Variants in ZEB1 observed in about 807,000 individuals in gnomAD.
The protein encoded by ZEB1 is zinc finger E-box-binding homeobox 1.
In ZEB1, 21 loss-of-function variants were observed where a neutral mutation model predicts 84.9. That is an observed-to-expected ratio of 0.25 (90% confidence interval 0.18 to 0.36). ZEB1 has a LOEUF of 0.36. Ranked by LOEUF, ZEB1 falls within the 10% of genes least tolerant of loss-of-function variation. The pLI is 1.00. For synonymous variants in ZEB1, 420 were observed against 471.1 expected, an observed-to-expected ratio of 0.89 and a Z score of 1.41; for missense variants, 1,104 against 1,330.2, an observed-to-expected ratio of 0.83 and a Z score of 2.65.
intron 2 of ZEB1, among the ~76,000 whole-genome samples, chr10:31,480,981 G>A (rs913777383): frequency 3.3e-5 from 5 of 151,906 alleles, no homozygotes; most frequent in African/African-American, 1.2e-4. Context: ...ATATAAATAA[G>A]CTCTACAAAA....
At chr10:31,409,891 A>T (rs2053904828) in intron 1 of ZEB1, among the ~76,000 whole-genome samples, 2 of 152,208 alleles carry the variant, frequency 1.3e-5, no homozygotes, top group South Asian at 4.1e-4. Flanking sequence ...GTTGCTTATC[A>T]GCTTAAGGAG....
At chr10:31,466,897 A>G (rs2062504713) in intron 2 of ZEB1, among the ~76,000 whole-genome samples, 1 of 152,212 alleles carries the variant, frequency 6.6e-6, no homozygotes, top group Non-Finnish European at 1.5e-5. Context: ...ATAGAATAAT[A>G]AATGAAAAAT....
intron 1 of ZEB1, among the ~76,000 whole-genome samples, chr10:31,382,133 G>A (rs148673137): frequency 1.3e-5 from 2 of 151,048 alleles, no homozygotes; most frequent in Admixed American, 1.3e-4. Context: ...GGCTGACTCA[G>A]ACCTTAGTTT....
Position 31,399,551 on chromosome 10 carries a change from C to T in ZEB1, c.59-61486C>T, listed in dbSNP as rs114001074. The stretch of plus-strand genomic sequence containing the variant: ...TTATTGCTTACCATCTCTACTCCTA[C>T]AACCCTGATCCAAATCACCTTCATC... On this transcript the variant is annotated intron_variant, in intron 1 of 8. Coordinates refer to ENST00000424869, the MANE Select transcript of ZEB1 (RefSeq NM_001174096.2). 5.3e-3 allele frequency among the ~76,000 whole-genome samples: 811 copies of T among 152,284 alleles called. 11 individuals carry two copies. Among genetic ancestry groups the T allele is most frequent in the African/African-American group, 0.019 (769 of 41,552 alleles).
chr10:31,411,638 C>A (rs867421037), intron 1 of ZEB1, among the ~76,000 whole-genome samples: 1,054 of 97,880 alleles, frequency 0.011, no homozygotes, highest in Admixed American at 0.015. Context: ...GACTCCGTCT[C>A]AAAAAAAAAA....
At chr10:31,412,552 G>A (rs1040201074) in intron 1 of ZEB1, among the ~76,000 whole-genome samples, 1 of 152,146 alleles carries the variant, frequency 6.6e-6, no homozygotes, top group Admixed American at 6.5e-5. Context: ...GAATGATGGT[G>A]TCCAGCTTCA....
intron 6 of ZEB1, among the ~76,000 whole-genome samples, chr10:31,519,307 C>T (rs997904681): frequency 6.6e-6 from 1 of 152,086 alleles, no homozygotes; most frequent in East Asian, 1.9e-4. Context: ...AATTTTCTAC[C>T]AAAGTATCCC....
intron 1 of ZEB1, among the ~76,000 whole-genome samples, chr10:31,398,838 AT>A (rs1010448566): frequency 1.3e-5 from 2 of 150,314 alleles, no homozygotes; most frequent in African/African-American, 4.9e-5. Context: ...TCTCTTGCTG[AT>A]TTCTTCTTGC....
chr10:31,321,602 T>G, intron 1 of ZEB1: 1 of 1,611,704 alleles, frequency 6.2e-7, no homozygotes, highest in Non-Finnish European at 8.5e-7. Flanking sequence ...AGAAAGGGGC[T>G]TTTCTTGTTG....
At chr10:31,450,055 TA>T (rs2137007711) in intron 1 of ZEB1, among the ~76,000 whole-genome samples, 1 of 152,312 alleles carries the variant, frequency 6.6e-6, no homozygotes, top group South Asian at 2.1e-4. Flanking sequence ...CTTCTCTATA[TA>T]AACTGTAGAC....
chr10:31,474,092 A>C (rs2063698558), intron 2 of ZEB1, among the ~76,000 whole-genome samples: 1 of 152,244 alleles, frequency 6.6e-6, no homozygotes, highest in Non-Finnish European at 1.5e-5. Context: ...TGTTAAACCT[A>C]AAACCGTAAA....
At chr10:31,480,106 A>C (rs1227186760) in intron 2 of ZEB1, among the ~76,000 whole-genome samples, 1 of 152,032 alleles carries the variant, frequency 6.6e-6, no homozygotes, top group Non-Finnish European at 1.5e-5. Flanking sequence ...ATTGTTCAAC[A>C]TGTTAGCTAT....
intron 2 of ZEB1, among the ~76,000 whole-genome samples, chr10:31,479,093 G>T (rs1336609021): frequency 6.6e-6 from 1 of 151,798 alleles, no homozygotes; most frequent in African/African-American, 2.4e-5. Flanking sequence ...GACAGAGGAT[G>T]ATAGGAGACT....
intron 1 of ZEB1, among the ~76,000 whole-genome samples, chr10:31,376,887 G>T (rs115619782): frequency 6.6e-6 from 1 of 151,348 alleles, no homozygotes; most frequent in African/African-American, 2.4e-5. Context: ...TTGTGCCAAC[G>T]GAAATAATTG....
chr10:31,442,730 A>C (rs1255746350), intron 1 of ZEB1, among the ~76,000 whole-genome samples: 1 of 152,144 alleles, frequency 6.6e-6, no homozygotes, highest in East Asian at 1.9e-4. Flanking sequence ...TTGGTGAGTT[A>C]AGAGGAAACT....
At chr10:31,327,921 C>T (rs2035942271) in intron 1 of ZEB1, among the ~76,000 whole-genome samples, 1 of 152,136 alleles carries the variant, frequency 6.6e-6, no homozygotes, top group Admixed American at 6.5e-5. Flanking sequence ...ATCATTTCTT[C>T]ATATCCTTGC....
chr10:31,425,461 G>A (rs1270878369), intron 1 of ZEB1, among the ~76,000 whole-genome samples: 2 of 151,884 alleles, frequency 1.3e-5, no homozygotes, highest in African/African-American at 4.8e-5. Context: ...GGAAAACTGT[G>A]GCAGAGAAAA....
In ZEB1 at chr10:31,326,068, C is replaced by G. The variant is rs555857496; in HGVS notation, c.58+6776C>G. Among the ~76,000 whole-genome samples the G allele has an allele frequency of 4.0e-5, 6 of 149,382 alleles. No individual in the cohort carries two copies. The South Asian group carries it at 8.5e-4, about 21-fold the overall frequency. On this transcript the variant is annotated intron_variant, in intron 1 of 8. Coordinates refer to ENST00000424869, the MANE Select transcript of ZEB1 (RefSeq NM_001174096.2). ...TCATATATTTTTAATATGGAAGATT[C>G]ATCTTTTCCAAAATAACTTTTTATC...
intron 2 of ZEB1, among the ~76,000 whole-genome samples, chr10:31,478,066 C>A (rs934600846): frequency 2.4e-4 from 37 of 151,892 alleles, no homozygotes; most frequent in Admixed American, 1.6e-3. Context: ...ACAGAGTAAG[C>A]AGACAACCTA....
Sources: gnomAD v4.1 joint callset for allele counts (sites outside exome capture counted in the v4.1 genomes callset) on GRCh38, gnomAD v4.1.1 for gene constraint, MANE v1.5 for transcripts, NCBI Gene and HGNC (gene_info 2026-07-23, HGNC 2026-07-21) for gene names.